The following NUP93 variants were observed in gnomAD, a reference collection of about 807,000 sequenced individuals.
NUP93 encodes the protein nuclear pore complex protein Nup93.
NUP93 carries 55 observed loss-of-function variants against 107.8 expected under a neutral mutation model. The observed-to-expected ratio is 0.51, with a 90% CI of 0.41 to 0.64. The LOEUF is 0.64. NUP93 is among the 30% of genes least tolerant of loss of function. NUP93 has a pLI of 0.00. For synonymous variants in NUP93, 390 were observed against 397.5 expected (o/e 0.98, Z 0.22); for missense variants, 937 against 1,044.7 (o/e 0.90, Z 1.42).
chr16:56,815,935 C>CTGG (rs1567402762), intron 5 of NUP93, among the ~76,000 whole-genome samples: 5 of 150,620 alleles, frequency 3.3e-5, no homozygotes, highest in Non-Finnish European at 5.9e-5. Flanking sequence ...GCTGCTACCA[C>CTGG]TACTACTACT....
chr16:56,763,796 G>A (rs1284088872), intron 3 of NUP93, among the ~76,000 whole-genome samples: 14 of 151,954 alleles, frequency 9.2e-5, no homozygotes, highest in African/African-American at 3.1e-4. Context: ...TTATGTTGTT[G>A]GAATTGACTT....
chr16:56,834,403 TCTG>T lies in NUP93; in HGVS notation c.1700_1702del (p.Leu567del). 1 of 1,614,236 alleles carries T rather than the reference TCTG, an allele frequency of 6.2e-7. No homozygotes were observed. The highest frequency in any genetic ancestry group is 1.1e-5 in the South Asian group (1 of 91,084). On this transcript the variant is annotated inframe_deletion, in exon 15 of 22. Coordinates refer to ENST00000308159, the MANE Select transcript of NUP93 (RefSeq NM_014669.5). ...AAGATAGTCAAGGAGAAAACATGTT[TCTG>T]CGCTGTGTGAGTGAGCTTGTGATTG...
intron 3 of NUP93, among the ~76,000 whole-genome samples, chr16:56,759,571 T>C (rs1962087167): frequency 6.6e-6 from 1 of 152,260 alleles, no homozygotes; most frequent in African/African-American, 2.4e-5. Flanking sequence ...GCTGCTATGT[T>C]CCCAAAGTAT....
chr16:56,832,043 C>CAAAA (rs758338323), intron 11 of NUP93, 36 bp downstream of exon 11: 6 of 1,610,186 alleles, frequency 3.7e-6, no homozygotes, highest in Non-Finnish European at 4.2e-6. Context: ...TAGGGCTTTA[C>CAAAA]CCCTTTTCTG....
chr16:56,778,209 G>C (rs1336928935), intron 3 of NUP93, among the ~76,000 whole-genome samples: 1 of 152,196 alleles, frequency 6.6e-6, no homozygotes, highest in African/African-American at 2.4e-5. Context: ...AAGACTCCCT[G>C]GAGCAGATGG....
At chr16:56,754,583 C>T (rs1234572375) in intron 2 of NUP93, among the ~76,000 whole-genome samples, 2 of 152,248 alleles carry the variant, frequency 1.3e-5, no homozygotes, top group African/African-American at 4.8e-5. Context: ...AAAGGGGCTA[C>T]AGACCCCATG....
intron 3 of NUP93, among the ~76,000 whole-genome samples, chr16:56,774,909 T>G (rs541816233): frequency 7.7e-4 from 117 of 151,648 alleles, no homozygotes; most frequent in African/African-American, 1.2e-3. Flanking sequence ...TTTTGTTTTT[T>G]TTTTTTTTGA....
chr16:56,837,867 A>G (rs1164859026), intron 18 of NUP93, 141 bp downstream of exon 18: 1 of 619,490 alleles, frequency 1.6e-6, no homozygotes, highest in African/African-American at 1.8e-5. Flanking sequence ...TCACCATGCC[A>G]CCAGCACTGT....
chr16:56,763,958 C>A (rs1262061654), intron 3 of NUP93, among the ~76,000 whole-genome samples: 1 of 152,006 alleles, frequency 6.6e-6, no homozygotes, highest in Non-Finnish European at 1.5e-5. Context: ...AAGTGATAAA[C>A]AGGATAAAAT....
At chr16:56,777,956 G>A (rs1001259787) in intron 3 of NUP93, among the ~76,000 whole-genome samples, 1 of 152,208 alleles carries the variant, frequency 6.6e-6, no homozygotes, top group African/African-American at 2.4e-5. Flanking sequence ...AAGTGGTTTT[G>A]TTCAGTGCCC....
Position 56,783,383 on chromosome 16 carries a change from C to T in NUP93, c.298-15093C>T, listed in dbSNP as rs149197043. 256 of 648,612 alleles carry T rather than the reference C, an allele frequency of 3.9e-4. 2 individuals are homozygous for T. In the East Asian group the frequency reaches 0.024, roughly 60 times the overall value. 40.2% of individuals were successfully genotyped at this position (648,612 alleles called of 1,614,324 possible). ...CAGAGGGAGAGGAACTGTGAGAATTCGGCTCCTCTTGGCATTGGAGTTCTG... is the reference window on the plus strand; with the variant it reads ...CAGAGGGAGAGGAACTGTGAGAATTTGGCTCCTCTTGGCATTGGAGTTCTG... On this transcript the variant is annotated intron_variant, in intron 3 of 21. Coordinates refer to ENST00000308159, the MANE Select transcript of NUP93 (RefSeq NM_014669.5).
At chr16:56,844,399 A>C in intron 21 of NUP93, 100 bp from the exon 22 acceptor site, 1 of 572,730 alleles carries the variant, frequency 1.7e-6, no homozygotes. Flanking sequence ...ACGCTGGGGT[A>C]GAGGATGGAA....
chr16:56,834,843 T>C (rs1200086499), intron 16 of NUP93, 65 bp downstream of exon 16: 1 of 1,259,466 alleles, frequency 7.9e-7, no homozygotes, highest in African/African-American at 1.5e-5. Context: ...TATCAAAAAA[T>C]ACACTTAGAT....
chr16:56,737,847 C>T (rs1409688954), intron 1 of NUP93, among the ~76,000 whole-genome samples: 1 of 152,224 alleles, frequency 6.6e-6, no homozygotes, highest in Non-Finnish European at 1.5e-5. Flanking sequence ...CGCACACCTT[C>T]TGCCTCCCAA....
At chr16:56,837,552 G>C in intron 17 of NUP93, 56 bp from the exon 18 acceptor site, 2 of 1,382,458 alleles carry the variant, frequency 1.4e-6, no homozygotes, top group Non-Finnish European at 2.1e-6. Flanking sequence ...TTATATAGTT[G>C]TTCCTTTTAT....
chr16:56,825,205 C>CT (rs34378384), intron 8 of NUP93, among the ~76,000 whole-genome samples: 4,001 of 76,270 alleles, frequency 0.052, 174 homozygotes, highest in African/African-American at 0.11. Flanking sequence ...CCATACCCAG[C>CT]TTTTTTTTTT....
At chr16:56,788,285 C>G (rs193179972) in intron 3 of NUP93, among the ~76,000 whole-genome samples, 1 of 152,152 alleles carries the variant, frequency 6.6e-6, no homozygotes, top group African/African-American at 2.4e-5. Flanking sequence ...GCATCACGGC[C>G]CTTCTCACTA....
Position 56,845,838 on chromosome 16 carries a change from CCTTTT to C in NUP93, c.*1235_*1239del, listed in dbSNP as rs1964109923. The C allele has an allele frequency of 6.6e-6, 1 of 152,176 alleles. No homozygotes were observed. The highest frequency in any genetic ancestry group is 2.4e-5 in the African/African-American group (1 of 41,446). The allele number at this position is 152,176 out of a possible 1,614,324, so 9.4% of individuals were successfully genotyped here. A position where few individuals can be genotyped will look rare whatever the true frequency, so the allele number is the denominator to read the frequency against. On this transcript the variant is annotated 3_prime_UTR_variant, in exon 22 of 22. Transcript: ENST00000308159. ...CTCCCAGTTGTTAAAATAATTGTTACCTTTTCTTTTGGGAAGAAATAATCTGTAGA... is the reference window on the plus strand; with the variant it reads ...CTCCCAGTTGTTAAAATAATTGTTACCTTTTGGGAAGAAATAATCTGTAGA...
chr16:56,832,150 T>A, intron 11 of NUP93, 143 bp downstream of exon 11: 1 of 1,215,228 alleles, frequency 8.2e-7, no homozygotes, highest in Non-Finnish European at 1.2e-6. Context: ...CCATTTTTTG[T>A]TGTGTAATTC....
Sources: gnomAD v4.1 joint callset for allele counts (sites outside exome capture counted in the v4.1 genomes callset) on GRCh38, gnomAD v4.1.1 for gene constraint, MANE v1.5 for transcripts, NCBI Gene and HGNC (gene_info 2026-07-23, HGNC 2026-07-21) for gene names.